SEMA3C: variants seen among roughly 807,000 people sequenced by gnomAD.
The protein encoded by SEMA3C is semaphorin-3C.
Under a neutral mutation model 89.4 loss-of-function variants are expected in SEMA3C, and 47 were observed. The observed-to-expected ratio is 0.53, with a 90% CI of 0.42 to 0.67. The LOEUF is 0.67. SEMA3C is among the 30% of genes least tolerant of loss of function. The pLI is 0.00. For synonymous variants in SEMA3C, 310 were observed against 320.2 expected, an observed-to-expected ratio of 0.97 and a Z score of 0.34; for missense variants, 839 against 929.1, an observed-to-expected ratio of 0.90 and a Z score of 1.26.
At chr7:80,794,260 A>G (rs73137732) in intron 11 of SEMA3C, among the ~76,000 whole-genome samples, 11,738 of 151,960 alleles carry the variant, frequency 0.077, 469 homozygotes, top group Non-Finnish European at 0.098. Flanking sequence ...GGCAAGCTCA[A>G]TCTCACATTT....
chr7:80,828,978 C>T (rs868693419), intron 2 of SEMA3C, among the ~76,000 whole-genome samples: 18 of 152,036 alleles, frequency 1.2e-4, no homozygotes, highest in Admixed American at 1.3e-4. Flanking sequence ...GCCTGAGCAA[C>T]ATAGTGAGAC....
At chr7:80,922,150 G>A (rs1031660677), upstream of SEMA3C, 4 of 739,118 alleles carry the variant, frequency 5.4e-6, no homozygotes, top group South Asian at 1.8e-5. Context: ...ATGAGAGAAC[G>A]TTGAAGGTTT....
chr7:80,798,038 G>A, intron 11 of SEMA3C, 54 bp downstream of exon 11: 1 of 1,524,344 alleles, frequency 6.6e-7, no homozygotes, highest in Non-Finnish European at 8.8e-7. Flanking sequence ...TTCATTACCT[G>A]TTAAATGAGT....
At chr7:80,890,682 C>G (rs1030195290) in intron 2 of SEMA3C, among the ~76,000 whole-genome samples, 1 of 152,102 alleles carries the variant, frequency 6.6e-6, no homozygotes, top group Non-Finnish European at 1.5e-5. Context: ...CCAAGAAGAA[C>G]GAAGAGCTCA....
intron 2 of SEMA3C, among the ~76,000 whole-genome samples, chr7:80,830,943 T>C (rs1032813818): frequency 1.3e-5 from 2 of 152,080 alleles, no homozygotes; most frequent in Non-Finnish European, 2.9e-5. Context: ...TGGGAGAGAA[T>C]ATAGAATCAA....
intron 2 of SEMA3C, among the ~76,000 whole-genome samples, chr7:80,906,368 G>A (rs972865787): frequency 3.3e-5 from 5 of 152,154 alleles, no homozygotes; most frequent in African/African-American, 1.2e-4. Flanking sequence ...AAGTGCTCAT[G>A]GCACTGAATT....
chr7:80,748,008 C>T (rs1562855812), intron 17 of SEMA3C, among the ~76,000 whole-genome samples: 1 of 152,072 alleles, frequency 6.6e-6, no homozygotes, highest in Non-Finnish European at 1.5e-5. Context: ...TAGGGTGGTA[C>T]TCAGTCTACA....
At chr7:80,761,905 A>G (rs1472510140) in intron 13 of SEMA3C, among the ~76,000 whole-genome samples, 1 of 151,988 alleles carries the variant, frequency 6.6e-6, no homozygotes, top group Non-Finnish European at 1.5e-5. Context: ...CCTCGCCAAC[A>G]TGGTGAAACC....
At chr7:80,822,410 TAAAAATAAAAA>T in intron 4 of SEMA3C, among the ~76,000 whole-genome samples, 1 of 122,476 alleles carries the variant, frequency 8.2e-6, no homozygotes, top group East Asian at 2.7e-4. Flanking sequence ...AATAAATAAA[TAAAAATAAAAA>T]AAAAACAGCA....
Position 80,800,775 on chromosome 7 carries a change from C to T in SEMA3C, c.968G>A (p.Gly323Asp). The T allele has an allele frequency of 6.5e-7, 1 of 1,529,312 alleles. No homozygotes were observed. Among genetic ancestry groups the T allele is most frequent in the Non-Finnish European group, 8.8e-7 (1 of 1,138,888 alleles). 94.7% of individuals were successfully genotyped at this position (1,529,312 alleles called of 1,614,324 possible). The change falls in exon 10 of 18, where the codon GGC becomes GAC. Residue 323 changes from glycine (G) to aspartate (D), a missense_variant. By Grantham distance (94) the Gly-to-Asp change is moderately conservative. Transcript: ENST00000265361. The part of the protein sequence containing the change: ...TDNPRTTLVY[G>D]IFTTSSSVFK... ...TAATTACCTTGATGTTGTAAAAATGCCATACACTAGTGTTGTCCTCGGGTT... is the reference window on the plus strand; with the variant it reads ...TAATTACCTTGATGTTGTAAAAATGTCATACACTAGTGTTGTCCTCGGGTT...
chr7:80,904,915 C>T (rs1791969276), intron 2 of SEMA3C, among the ~76,000 whole-genome samples: 1 of 152,036 alleles, frequency 6.6e-6, no homozygotes, highest in Non-Finnish European at 1.5e-5. Context: ...CCTTACCAGT[C>T]ATTCCAAAAA....
intron 2 of SEMA3C, among the ~76,000 whole-genome samples, chr7:80,842,186 C>T (rs1790284730): frequency 6.6e-6 from 1 of 152,136 alleles, no homozygotes; most frequent in Non-Finnish European, 1.5e-5. Flanking sequence ...AAGGATGCAA[C>T]CATGTTTCCT....
At chr7:80,872,708 G>A (rs1791092517) in intron 2 of SEMA3C, among the ~76,000 whole-genome samples, 1 of 150,126 alleles carries the variant, frequency 6.7e-6, no homozygotes, top group Non-Finnish European at 1.5e-5. Context: ...AGCTGAGACA[G>A]GAGAATCGCT....
chr7:80,917,904 A>G (rs1792315177), intron 1 of SEMA3C, among the ~76,000 whole-genome samples: 1 of 152,256 alleles, frequency 6.6e-6, no homozygotes, highest in Non-Finnish European at 1.5e-5. Flanking sequence ...AGACAGCTTC[A>G]TTAATACAGA....
In SEMA3C at chr7:80,804,245, G is replaced by C. The variant is rs1427662892; in HGVS notation, c.662C>G (p.Pro221Arg). ...DQHNSKWLSE[P>R]MFVDAHVIPD... ...GATGACATGTGCATCTACAAACATA[G>C]GTTCTAGAAAAAAAGGTAAAAGACT... is the stretch of plus-strand genomic sequence containing the variant. Residue 221 changes from proline (P) to arginine (R), a missense_variant, in exon 8 of 18, where the codon CCT (proline) becomes CGT (arginine). Pro to Arg is a moderately radical substitution (Grantham distance 103). Coordinates refer to ENST00000265361, the MANE Select transcript of SEMA3C (RefSeq NM_006379.5). 6.3e-7 allele frequency: 1 copy of C among 1,583,588 alleles called. No individual in the cohort carries two copies. Among genetic ancestry groups the C allele is most frequent in the Non-Finnish European group, 8.6e-7 (1 of 1,165,856 alleles).
At position 80,745,176 on chromosome 7, in the gene SEMA3C, G is replaced by C; in HGVS notation, c.1974C>G (p.Asn658Lys). ...NSFKQTIAKI[N>K]FKVLDSEMVA... The stretch of plus-strand genomic sequence containing the variant: ...CCATTTCTGAATCTAAAACTTTGAA[G>C]TTGATCTTGGCTATGGTCTGCTTGA... The change falls in exon 18 of 18, where the codon AAC (asparagine) becomes AAG (lysine). Residue 658 changes from asparagine (N) to lysine (K), a missense_variant. Asn to Lys is a moderately conservative substitution (Grantham distance 94). Coordinates refer to ENST00000265361, the MANE Select transcript of SEMA3C (RefSeq NM_006379.5). The C allele has an allele frequency of 6.2e-7, 1 of 1,614,034 alleles. No homozygotes were observed. The highest frequency in any genetic ancestry group is 8.5e-7 in the Non-Finnish European group (1 of 1,179,986).
rs547163192 is a variant in SEMA3C, at chr7:80,796,119, T to C, written c.1131+1973A>G. Among the ~76,000 whole-genome samples, 9 of 152,320 alleles carry C rather than the reference T, an allele frequency of 5.9e-5. No homozygotes were observed. The South Asian group carries it at 1.0e-3, about 18-fold the overall frequency. On this transcript the variant is annotated intron_variant, in intron 11 of 17. Transcript: ENST00000265361. ...TGCTCCTGTACTAACCCCATTTATA[T>C]GCTGCTCAAAAGAATCACTGATGAA...
chr7:80,846,314 T>C (rs1449978322), intron 2 of SEMA3C, among the ~76,000 whole-genome samples: 1 of 152,206 alleles, frequency 6.6e-6, no homozygotes, highest in Non-Finnish European at 1.5e-5. Flanking sequence ...ATATTCATAC[T>C]AGTCTGCTGT....
At chr7:80,821,781 G>A (rs1032596027) in intron 4 of SEMA3C, among the ~76,000 whole-genome samples, 1 of 152,134 alleles carries the variant, frequency 6.6e-6, no homozygotes, top group African/African-American at 2.4e-5. Flanking sequence ...TTTTAGTGAT[G>A]AGGAAATTTG....
Sources: allele counts gnomAD v4.1 joint callset (sites outside exome capture counted in the v4.1 genomes callset), GRCh38; gene constraint gnomAD v4.1.1; transcripts MANE v1.5; gene names NCBI Gene and HGNC (gene_info 2026-07-23, HGNC 2026-07-21).